The following SACM1L variants were observed in gnomAD, a reference collection of about 807,000 sequenced individuals.
SACM1L encodes SAC1 like phosphatidylinositide phosphatase, also known as phosphatidylinositol-3-phosphatase SAC1.
Under a neutral mutation model 89.5 loss-of-function variants are expected in SACM1L, and 32 were observed. That is an observed-to-expected ratio of 0.36 (90% confidence interval 0.27 to 0.48). SACM1L has a LOEUF of 0.48. Among genes scored for constraint, SACM1L ranks in the 20% least tolerant of loss-of-function variants. The probability of loss-of-function intolerance (pLI) is 0.99; values close to 1 mark genes in which losing one functional copy is unlikely to be tolerated. For missense variants in SACM1L, 543 were observed against 708.5 expected (o/e 0.77, Z 2.65); for synonymous variants, 213 against 232.8 (o/e 0.92, Z 0.77).
At chr3:45,724,671 C>G (rs1698875863) in intron 11 of SACM1L, among the ~76,000 whole-genome samples, 1 of 152,110 alleles carries the variant, frequency 6.6e-6, no homozygotes, top group Admixed American at 6.6e-5. Context: ...TTTGTTGCCT[C>G]TGCTCTTGGT....
At chr3:45,722,796 C>T (rs1018432555) in intron 9 of SACM1L, 73 bp from the exon 10 acceptor site, 17 of 1,090,256 alleles carry the variant, frequency 1.6e-5, no homozygotes, top group Non-Finnish European at 2.2e-5. Flanking sequence ...AATATATACA[C>T]CCCTGACAAT....
At chr3:45,713,797 C>T (rs553701496) in intron 6 of SACM1L, 1 of 241,772 alleles carries the variant, frequency 4.1e-6, no homozygotes, top group African/African-American at 2.3e-5. Flanking sequence ...TAGGCAAAGA[C>T]TGAAAAGGAG....
At chr3:45,702,764 A>T (rs1392289845) in intron 1 of SACM1L, among the ~76,000 whole-genome samples, 1 of 152,152 alleles carries the variant, frequency 6.6e-6, no homozygotes, top group Non-Finnish European at 1.5e-5. Context: ...AAGTTGCATA[A>T]ATTTTAAGTA....
At chr3:45,738,418 G>A (rs1699247979) in intron 16 of SACM1L, among the ~76,000 whole-genome samples, 160 bp from the exon 17 acceptor site, 1 of 152,146 alleles carries the variant, frequency 6.6e-6, no homozygotes. Context: ...GGTATTTCTT[G>A]GACCTACAAG....
At chr3:45,689,564 G>A in intron 1 of SACM1L, 67 bp downstream of exon 1, 1 of 1,520,600 alleles carries the variant, frequency 6.6e-7, no homozygotes, top group South Asian at 1.2e-5. Flanking sequence ...CCTGGCCTCG[G>A]GGAGGGCTTC....
At chr3:45,689,690 C>T (rs1337727666) in intron 1 of SACM1L, 193 bp downstream of exon 1, 1 of 669,178 alleles carries the variant, frequency 1.5e-6, no homozygotes. Flanking sequence ...ACCAGCGGCT[C>T]GCCGGCCTTT....
In SACM1L at chr3:45,709,782, C is replaced by T. The variant is rs1311721013; in HGVS notation, c.483+135C>T. 3 of 751,900 alleles carry T rather than the reference C, an allele frequency of 4.0e-6. No individual in the cohort carries two copies. The East Asian group carries it at 8.4e-5, about 21-fold the overall frequency. The allele number at this position is 751,900 out of a possible 1,614,324, so 46.6% of individuals were successfully genotyped here. A position where few individuals can be genotyped will look rare whatever the true frequency, so the allele number is the denominator to read the frequency against. On this transcript the variant is annotated intron_variant, in intron 5 of 19. Transcript: ENST00000389061. ...TCATGTATGAGGCTTTGAAAATATA[C>T]CCTGTTTTAAATATACATCACAATC...
At chr3:45,735,159 C>A in intron 13 of SACM1L, 76 bp from the exon 14 acceptor site, 2 of 1,307,748 alleles carry the variant, frequency 1.5e-6, no homozygotes. Context: ...TGAAATGAGA[C>A]CCATGTTATA....
At chr3:45,710,801 C>G (rs2742368) in intron 5 of SACM1L, among the ~76,000 whole-genome samples, 2 of 151,986 alleles carry the variant, frequency 1.3e-5, no homozygotes, top group African/African-American at 4.8e-5. Flanking sequence ...GTGAGATTTT[C>G]AACTCTAATT....
chr3:45,725,912 GGT>G (rs1698907253), intron 11 of SACM1L, among the ~76,000 whole-genome samples: 1 of 152,014 alleles, frequency 6.6e-6, no homozygotes, highest in African/African-American at 2.4e-5. Context: ...ATCAAGAAGA[GGT>G]GTTGAATTTT....
chr3:45,732,950 T>C (rs766932473), intron 13 of SACM1L, among the ~76,000 whole-genome samples: 1 of 152,236 alleles, frequency 6.6e-6, no homozygotes, highest in Non-Finnish European at 1.5e-5. Flanking sequence ...TTCAAAAATA[T>C]CTTTTTATAT....
chr3:45,722,922 ACCACTG>A lies in SACM1L; in HGVS notation c.824_829del (p.Leu275_Pro276del). 1 of 1,613,770 alleles carries A rather than the reference ACCACTG, an allele frequency of 6.2e-7. No individual in the cohort carries two copies. The highest frequency in any genetic ancestry group is 8.5e-7 in the Non-Finnish European group (1 of 1,179,804). On this transcript the variant is annotated inframe_deletion, in exon 10 of 20. Coordinates refer to ENST00000389061, the MANE Select transcript of SACM1L (RefSeq NM_014016.5). ...CCCAAAGACCAAACCTCAAGTACAA[ACCACTG>A]CCACAGATCAGCAAAGTAGCAAATC...
At chr3:45,699,490 T>C (rs2125683243) in intron 1 of SACM1L, among the ~76,000 whole-genome samples, 1 of 108,838 alleles carries the variant, frequency 9.2e-6, no homozygotes, top group East Asian at 2.7e-4. Context: ...TAAATGTTTT[T>C]AATTTCCTAG....
chr3:45,738,810 T>C lies in SACM1L; in HGVS notation c.1506T>C (p.Tyr502=). ...QDSIDLFLGN[Y]SVDELESHSP... ...CCATAGACTTATTTCTTGGAAACTA[T>C]TCAGTGGATGAATTAGAATCTCATA... Residue 502 remains tyrosine, a synonymous_variant, in exon 18 of 20, where the codon TAT becomes TAC. Coordinates refer to ENST00000389061, the MANE Select transcript of SACM1L (RefSeq NM_014016.5). The C allele has an allele frequency of 6.2e-7, 1 of 1,611,318 alleles. No homozygotes were observed. The highest frequency in any genetic ancestry group is 8.5e-7 in the Non-Finnish European group (1 of 1,177,672).
intron 7 of SACM1L, among the ~76,000 whole-genome samples, 180 bp downstream of exon 7, chr3:45,714,259 A>G (rs1381774758): frequency 6.8e-6 from 1 of 147,860 alleles, no homozygotes; most frequent in Non-Finnish European, 1.5e-5. Flanking sequence ...TTTTTTTAGA[A>G]TGAACTTTTC....
Position 45,713,105 on chromosome 3 carries a change from G to C in SACM1L, c.484-32G>C, listed in dbSNP as rs373536096. On this transcript the variant is annotated intron_variant, in intron 5 of 19. Transcript: ENST00000389061. ...TCTGTAGAAAGTAAGCTTGGCAGGAGATATTTTATTAAATTTTAAAACTTC... is the reference window on the plus strand; with the variant it reads ...TCTGTAGAAAGTAAGCTTGGCAGGACATATTTTATTAAATTTTAAAACTTC... 4 of 1,555,934 alleles carry C rather than the reference G, an allele frequency of 2.6e-6. No individual in the cohort carries two copies. The African/African-American group carries it at 5.5e-5, about 21-fold the overall frequency.
At chr3:45,723,075 C>T (rs1269165935) in intron 10 of SACM1L, 120 bp downstream of exon 10, 9 of 849,272 alleles carry the variant, frequency 1.1e-5, no homozygotes, top group Admixed American at 7.5e-5. Flanking sequence ...TGAGGCTATT[C>T]TTCTTGGTTC....
chr3:45,742,240 T>G (rs1355484717), intron 19 of SACM1L, among the ~76,000 whole-genome samples: 2 of 152,232 alleles, frequency 1.3e-5, no homozygotes, highest in African/African-American at 2.4e-5. Flanking sequence ...TGAGCAATTA[T>G]GCAAATTCGA....
chr3:45,716,912 T>A (rs1230101065), intron 7 of SACM1L, among the ~76,000 whole-genome samples: 1 of 152,098 alleles, frequency 6.6e-6, no homozygotes, highest in East Asian at 1.9e-4. Context: ...AGTGTGTAGA[T>A]GTTTTTGTCT....
Sources: gnomAD v4.1 joint callset for allele counts (sites outside exome capture counted in the v4.1 genomes callset) on GRCh38, gnomAD v4.1.1 for gene constraint, MANE v1.5 for transcripts, NCBI Gene and HGNC (gene_info 2026-07-23, HGNC 2026-07-21) for gene names.